TRAPPC8: variants seen among roughly 807,000 people sequenced by gnomAD.
TRAPPC8 encodes trafficking protein particle complex subunit 8.
In TRAPPC8, 54 loss-of-function variants were observed where a neutral mutation model predicts 174.3. The observed-to-expected ratio is 0.31, with a 90% CI of 0.25 to 0.39. The LOEUF (loss-of-function observed/expected upper bound fraction) is 0.39. TRAPPC8 is among the 10% of genes least tolerant of loss of function. The probability of loss-of-function intolerance (pLI) is 1.00; values close to 1 mark genes in which losing one functional copy is unlikely to be tolerated. For synonymous variants in TRAPPC8, 630 were observed against 579.9 expected, an observed-to-expected ratio of 1.09 and a Z score of -1.24; for missense variants, 1,531 against 1,699.1, an observed-to-expected ratio of 0.90 and a Z score of 1.74.
intron 1 of TRAPPC8, among the ~76,000 whole-genome samples, chr18:31,931,895 A>G (rs2037861360): frequency 6.6e-6 from 1 of 152,182 alleles, no homozygotes; most frequent in Non-Finnish European, 1.5e-5. Context: ...CACTAGAAAC[A>G]GTAAAAGGAA....
chr18:31,925,984 T>C (rs2145597466), intron 2 of TRAPPC8, among the ~76,000 whole-genome samples: 1 of 152,230 alleles, frequency 6.6e-6, no homozygotes, highest in Admixed American at 6.5e-5. Flanking sequence ...ACTAAGGAAA[T>C]ACACACAAAA....
rs909482003 is a variant in TRAPPC8, at chr18:31,890,815, T to C, written c.1648A>G (p.Ile550Val). The C allele has an allele frequency of 2.5e-6, 4 of 1,612,758 alleles. No individual in the cohort carries two copies. The highest frequency in any genetic ancestry group is 1.7e-5 in the Admixed American group (1 of 59,902). The change falls in exon 12 of 29, where the codon ATA becomes GTA. Residue 550 changes from isoleucine to valine, a missense_variant. Ile to Val is a conservative substitution (Grantham distance 29, BLOSUM62 3). Coordinates refer to ENST00000283351, the MANE Select transcript of TRAPPC8 (RefSeq NM_014939.5). ...LLLEQAAHCF[I>V]NMKSPMVRKY... Reference sequence around the variant, plus strand: ...CTAACCATGGGACTTTTCATGTTTATAAAGCAATGTGCTGCCTGTTCCAAA... The same window carrying C: ...CTAACCATGGGACTTTTCATGTTTACAAAGCAATGTGCTGCCTGTTCCAAA...
At chr18:31,837,899 A>G (rs993592360) in intron 27 of TRAPPC8, among the ~76,000 whole-genome samples, 4 of 151,732 alleles carry the variant, frequency 2.6e-5, no homozygotes, top group Non-Finnish European at 4.4e-5. Flanking sequence ...TATACTCTAT[A>G]ATTCTACTTA....
At chr18:31,892,496 ATT>A (rs2035997350) in intron 11 of TRAPPC8, among the ~76,000 whole-genome samples, 1 of 152,184 alleles carries the variant, frequency 6.6e-6, no homozygotes, top group Non-Finnish European at 1.5e-5. Context: ...ACATAAAATG[ATT>A]TGATAACTAT....
chr18:31,850,511 A>G (rs1232666830), intron 24 of TRAPPC8, among the ~76,000 whole-genome samples: 1 of 152,234 alleles, frequency 6.6e-6, no homozygotes. Flanking sequence ...AGCATGAGAT[A>G]AGAATTTTAA....
chr18:31,869,250 A>G (rs1040986272), intron 16 of TRAPPC8, among the ~76,000 whole-genome samples: 10 of 152,216 alleles, frequency 6.6e-5, no homozygotes, highest in Non-Finnish European at 1.5e-4. Context: ...AGAAAAAAAT[A>G]TAAATGAGGT....
chr18:31,907,328 TAAC>T (rs2036704486), intron 9 of TRAPPC8, 129 bp downstream of exon 9: 1 of 836,892 alleles, frequency 1.2e-6, no homozygotes, highest in Non-Finnish European at 1.7e-6. Flanking sequence ...ATTAAGGAAT[TAAC>T]AATCTGTAAA....
At chr18:31,901,056 A>G (rs1393323244) in intron 9 of TRAPPC8, 31 bp from the exon 10 acceptor site, 3 of 1,549,580 alleles carry the variant, frequency 1.9e-6, no homozygotes, top group Admixed American at 2.2e-5. Context: ...TACATATTTC[A>G]AAAGAAGAAA....
At chr18:31,941,203 G>A (rs1027976325) in intron 1 of TRAPPC8, among the ~76,000 whole-genome samples, 4 of 152,188 alleles carry the variant, frequency 2.6e-5, no homozygotes, top group Non-Finnish European at 5.9e-5. Context: ...CGCACTTTGC[G>A]AGGCCGAGGC....
chr18:31,849,509 G>T, intron 25 of TRAPPC8, 57 bp downstream of exon 25: 1 of 1,400,014 alleles, frequency 7.1e-7, no homozygotes, highest in Non-Finnish European at 9.5e-7. Context: ...TTTGTGCTTA[G>T]CTTAAGACTC....
chr18:31,908,272 G>A lies in TRAPPC8; in HGVS notation c.1238+31C>T, dbSNP rs1028779652. ...AACACTAGTCAGAGAGTTAAACAGA[G>A]GAAAAACAAAAATGATAACACTTTA... On this transcript the variant is annotated intron_variant, in intron 8 of 28. Coordinates refer to ENST00000283351, the MANE Select transcript of TRAPPC8 (RefSeq NM_014939.5). 12 of 1,456,178 alleles carry A rather than the reference G, an allele frequency of 8.2e-6. No individual in the cohort carries two copies. The African/African-American group carries it at 8.6e-5, about 10-fold the overall frequency. The allele number at this position is 1,456,178 out of a possible 1,614,324, so 90.2% of individuals were successfully genotyped here.
At chr18:31,842,173 A>G (rs1185583372) in intron 26 of TRAPPC8, among the ~76,000 whole-genome samples, 1 of 152,184 alleles carries the variant, frequency 6.6e-6, no homozygotes, top group Non-Finnish European at 1.5e-5. Context: ...TATAACACTT[A>G]TATTGGTGAT....
At chr18:31,836,936 G>A (rs542821093) in intron 27 of TRAPPC8, among the ~76,000 whole-genome samples, 1 of 151,864 alleles carries the variant, frequency 6.6e-6, no homozygotes, top group Non-Finnish European at 1.5e-5. Flanking sequence ...TAATTTTTTT[G>A]TATTTTTAGT....
At chr18:31,872,609 C>A (rs2034925728) in intron 14 of TRAPPC8, among the ~76,000 whole-genome samples, 1 of 151,824 alleles carries the variant, frequency 6.6e-6, no homozygotes, top group Admixed American at 6.6e-5. Context: ...TTAGTAGAGA[C>A]AGGGTTTCAC....
At chr18:31,910,245 T>C (rs999569969) in intron 5 of TRAPPC8, among the ~76,000 whole-genome samples, 2 of 152,104 alleles carry the variant, frequency 1.3e-5, no homozygotes, top group Non-Finnish European at 2.9e-5. Flanking sequence ...TAACGCAACG[T>C]TTATTTGTGC....
rs966180672 is a variant in TRAPPC8, at chr18:31,907,377, A to C, written c.1389+83T>G. ...CTCTTTGAGTACAACTTTATCCCTAAGGATTCTGTTTGCCACCAAGAGAAA... is the reference window on the plus strand; with the variant it reads ...CTCTTTGAGTACAACTTTATCCCTACGGATTCTGTTTGCCACCAAGAGAAA... On this transcript the variant is annotated intron_variant, in intron 9 of 28. Coordinates refer to ENST00000283351, the MANE Select transcript of TRAPPC8 (RefSeq NM_014939.5). 1.4e-5 allele frequency: 19 copies of C among 1,349,746 alleles called. No homozygotes were observed. The African/African-American group carries it at 2.5e-4, about 18-fold the overall frequency. The allele number at this position is 1,349,746 out of a possible 1,614,324, so 83.6% of individuals were successfully genotyped here.
chr18:31,908,414 A>G lies in TRAPPC8; in HGVS notation c.1127T>C (p.Ile376Thr), dbSNP rs775728145. 5.1e-6 allele frequency: 8 copies of G among 1,559,442 alleles called. No homozygotes were observed. In the East Asian group the frequency reaches 1.9e-4, roughly 36 times the overall value. ...AGATCGACTCAAACCTTTTCTTGAT[A>G]TTAGCTTTAAAAAAGAGATTAAATA... ...KTIRQLNDQL[I>T]SRKGLSRSLF... The change falls in exon 8 of 29, where the codon ATA (isoleucine) becomes ACA (threonine). Residue 376 changes from isoleucine (I) to threonine (T), a missense_variant. Physicochemically the swap from Ile to Thr is moderately conservative, Grantham distance 89. Coordinates refer to ENST00000283351, the MANE Select transcript of TRAPPC8 (RefSeq NM_014939.5).
chr18:31,879,931 T>C (rs1367697558), intron 12 of TRAPPC8, among the ~76,000 whole-genome samples: 2 of 148,952 alleles, frequency 1.3e-5, no homozygotes, highest in African/African-American at 4.9e-5. Context: ...ACTCAAATCT[T>C]GAATAGGTCA....
intron 9 of TRAPPC8, 97 bp downstream of exon 9, chr18:31,907,363 C>A (rs2036706765): frequency 4.0e-6 from 5 of 1,241,314 alleles, no homozygotes; most frequent in East Asian, 2.4e-5. Flanking sequence ...TCTTTGAGTA[C>A]AACTTTATCC....
Sources: gnomAD v4.1 joint callset for allele counts (sites outside exome capture counted in the v4.1 genomes callset) on GRCh38, gnomAD v4.1.1 for gene constraint, MANE v1.5 for transcripts, NCBI Gene and HGNC (gene_info 2026-07-23, HGNC 2026-07-21) for gene names.